Variants in SLC39A11 observed in about 807,000 individuals in gnomAD.
SLC39A11 encodes solute carrier family 39 member 11.
Under a neutral mutation model 36.1 loss-of-function variants are expected in SLC39A11, and 33 were observed. The observed-to-expected ratio is 0.91, with a 90% CI of 0.69 to 1.22. The LOEUF is 1.22. SLC39A11 is among the 50% of genes most tolerant of loss of function. The pLI, the probability that SLC39A11 is intolerant of heterozygous loss-of-function variation, is 0.00. For synonymous variants in SLC39A11, 166 were observed against 170.3 expected, an observed-to-expected ratio of 0.97 and a Z score of 0.20; for missense variants, 432 against 430.3, an observed-to-expected ratio of 1.00 and a Z score of -0.03.
chr17:72,836,443 C>A (rs759331944), intron 6 of SLC39A11, among the ~76,000 whole-genome samples: 8 of 151,900 alleles, frequency 5.3e-5, no homozygotes, highest in Admixed American at 2.6e-4. Flanking sequence ...CAGGCTCAAG[C>A]GATTCTCCTG....
chr17:72,869,306 C>T (rs1184130112), intron 5 of SLC39A11, among the ~76,000 whole-genome samples: 2 of 152,226 alleles, frequency 1.3e-5, no homozygotes, highest in Non-Finnish European at 2.9e-5. Flanking sequence ...AAACCTTGTG[C>T]ATGTTAAATA....
intron 7 of SLC39A11, among the ~76,000 whole-genome samples, chr17:72,695,822 C>T (rs974840227): frequency 6.6e-6 from 1 of 152,162 alleles, no homozygotes; most frequent in Non-Finnish European, 1.5e-5. Context: ...CCAAAGGATG[C>T]CTGCAGCCAC....
At chr17:72,773,486 C>A (rs1346817191) in intron 6 of SLC39A11, among the ~76,000 whole-genome samples, 1 of 152,144 alleles carries the variant, frequency 6.6e-6, no homozygotes, top group Non-Finnish European at 1.5e-5. Flanking sequence ...TACTGTCACC[C>A]TGTAAGAAGT....
chr17:72,731,045 C>T (rs569606872), intron 7 of SLC39A11, among the ~76,000 whole-genome samples: 2 of 152,290 alleles, frequency 1.3e-5, no homozygotes, highest in South Asian at 2.1e-4. Context: ...CCACTGTGCC[C>T]GGCCAGCCAT....
At chr17:72,989,352 G>T (rs1443968753) in intron 4 of SLC39A11, among the ~76,000 whole-genome samples, 1 of 152,156 alleles carries the variant, frequency 6.6e-6, no homozygotes. Context: ...TATTTGCAAT[G>T]AAATGATTTT....
At chr17:72,885,754 T>C (rs1567884334) in intron 5 of SLC39A11, among the ~76,000 whole-genome samples, 1 of 152,050 alleles carries the variant, frequency 6.6e-6, no homozygotes, top group Non-Finnish European at 1.5e-5. Flanking sequence ...ACTTCCCCCC[T>C]CATCAAGCAG....
intron 6 of SLC39A11, among the ~76,000 whole-genome samples, chr17:72,842,366 C>T (rs552550145): frequency 9.9e-5 from 15 of 152,238 alleles, no homozygotes; most frequent in African/African-American, 3.4e-4. Flanking sequence ...GGAGCCATAA[C>T]AATAATTTAC....
At chr17:72,705,233 TAATGATACTTTTATAGTGA>T (rs2072839170) in intron 7 of SLC39A11, among the ~76,000 whole-genome samples, 1 of 152,226 alleles carries the variant, frequency 6.6e-6, no homozygotes, top group Non-Finnish European at 1.5e-5. Context: ...AAGTACACTA[TAATGATACTTTTATAGTGA>T]AGACAGTGGG....
At chr17:73,076,650 A>G (rs2060328633) in intron 3 of SLC39A11, among the ~76,000 whole-genome samples, 1 of 152,156 alleles carries the variant, frequency 6.6e-6, no homozygotes, top group Non-Finnish European at 1.5e-5. Context: ...TGAGGGAGCA[A>G]AGCCTTTACG....
chr17:72,902,879 C>G (rs996131009), intron 5 of SLC39A11, among the ~76,000 whole-genome samples: 2 of 152,120 alleles, frequency 1.3e-5, no homozygotes, highest in Non-Finnish European at 2.9e-5. Context: ...TGGATCTTGC[C>G]TTGCAAATAA....
chr17:72,945,858 G>A (rs946533465), intron 5 of SLC39A11, among the ~76,000 whole-genome samples: 1 of 152,152 alleles, frequency 6.6e-6, no homozygotes, highest in African/African-American at 2.4e-5. Flanking sequence ...CCATCCAAGG[G>A]CTTGCCAATG....
chr17:72,893,351 C>T (rs960502846), intron 5 of SLC39A11, among the ~76,000 whole-genome samples: 2 of 152,072 alleles, frequency 1.3e-5, no homozygotes, highest in Non-Finnish European at 1.5e-5. Context: ...ATCCCAGCTA[C>T]TTGGGAGGCT....
intron 4 of SLC39A11, among the ~76,000 whole-genome samples, chr17:72,952,759 G>A (rs2085958265): frequency 6.6e-6 from 1 of 152,154 alleles, no homozygotes; most frequent in African/African-American, 2.4e-5. Context: ...GGTCGGCAAA[G>A]TGCGAGCGTG....
At chr17:72,706,644 C>G (rs565016151) in intron 7 of SLC39A11, among the ~76,000 whole-genome samples, 8 of 152,166 alleles carry the variant, frequency 5.3e-5, no homozygotes, top group Non-Finnish European at 1.0e-4. Context: ...TTAATACCAC[C>G]CTGCTTCTGT....
chr17:72,720,652 C>T (rs1403498907), intron 7 of SLC39A11, among the ~76,000 whole-genome samples: 1 of 152,168 alleles, frequency 6.6e-6, no homozygotes, highest in Non-Finnish European at 1.5e-5. Flanking sequence ...TACCTACCAT[C>T]CACCAGGCTC....
chr17:73,021,409 G>A (rs547968809), intron 4 of SLC39A11, among the ~76,000 whole-genome samples: 5 of 151,672 alleles, frequency 3.3e-5, no homozygotes, highest in African/African-American at 9.7e-5. Flanking sequence ...GTGCAATCTC[G>A]GCTCACTACA....
intron 5 of SLC39A11, among the ~76,000 whole-genome samples, chr17:72,910,132 C>T (rs2082903140): frequency 6.6e-6 from 1 of 151,922 alleles, no homozygotes. Flanking sequence ...CATTTTTAGT[C>T]GTAAGTTGTT....
At chr17:73,011,237 G>A (rs779541329) in intron 4 of SLC39A11, among the ~76,000 whole-genome samples, 5 of 152,236 alleles carry the variant, frequency 3.3e-5, no homozygotes, top group South Asian at 2.1e-4. Context: ...GCAAAACACC[G>A]CAGAGGCGGT....
intron 6 of SLC39A11, among the ~76,000 whole-genome samples, chr17:72,781,098 C>G (rs1489618372): frequency 6.6e-6 from 1 of 152,226 alleles, no homozygotes; most frequent in Non-Finnish European, 1.5e-5. Context: ...TTCGGTCTCT[C>G]TCCTCTTTCC....
Sources: gnomAD v4.1 joint callset for allele counts (sites outside exome capture counted in the v4.1 genomes callset) on GRCh38, gnomAD v4.1.1 for gene constraint, MANE v1.5 for transcripts, NCBI Gene and HGNC (gene_info 2026-07-23, HGNC 2026-07-21) for gene names.